ANO3: variants seen among roughly 807,000 people sequenced by gnomAD.
The protein encoded by ANO3 is anoctamin-3.
Under a neutral mutation model 144.8 loss-of-function variants are expected in ANO3, and 99 were observed. That is an observed-to-expected ratio of 0.68 (90% CI 0.58 to 0.81). The LOEUF (loss-of-function observed/expected upper bound fraction) is 0.81, where lower values mean the gene tolerates loss of function less well. Among genes scored for constraint, ANO3 ranks in the 30% least tolerant of loss-of-function variants. ANO3 has a pLI of 0.00. For synonymous variants in ANO3, 414 were observed against 392.6 expected (o/e 1.05, Z -0.64); for missense variants, 905 against 1,202.2 (o/e 0.75, Z 3.66).
chr11:26,407,207 T>C (rs1857312083), intron 1 of ANO3, among the ~76,000 whole-genome samples: 1 of 151,162 alleles, frequency 6.6e-6, no homozygotes, highest in African/African-American at 2.4e-5. Context: ...TTCCAGTTAG[T>C]CTTCTGAATA....
At chr11:26,356,078 G>T (rs779980778) in intron 1 of ANO3, among the ~76,000 whole-genome samples, 4 of 151,848 alleles carry the variant, frequency 2.6e-5, no homozygotes, top group Non-Finnish European at 4.4e-5. Context: ...CATGGTTTGT[G>T]TTTTGATTTT....
chr11:26,197,242 A>G (rs1851606209), intron 1 of ANO3, among the ~76,000 whole-genome samples: 1 of 152,220 alleles, frequency 6.6e-6, no homozygotes, highest in Non-Finnish European at 1.5e-5. Flanking sequence ...AAGAAGGAGA[A>G]GGCAACAGAA....
At chr11:26,299,728 G>T (rs922019003) in intron 1 of ANO3, among the ~76,000 whole-genome samples, 3 of 152,080 alleles carry the variant, frequency 2.0e-5, no homozygotes, top group Non-Finnish European at 4.4e-5. Context: ...GAAATTATTG[G>T]GCTGCTGTCC....
chr11:26,390,478 A>G (rs1417190362), intron 1 of ANO3, among the ~76,000 whole-genome samples: 1 of 152,072 alleles, frequency 6.6e-6, no homozygotes, highest in East Asian at 1.9e-4. Flanking sequence ...AACATCTTCA[A>G]TATCCACCAG....
intron 5 of ANO3, among the ~76,000 whole-genome samples, 153 bp from the exon 6 acceptor site, chr11:26,516,674 A>C (rs1861877038): frequency 6.7e-6 from 1 of 148,698 alleles, no homozygotes; most frequent in Admixed American, 6.8e-5. Context: ...TTCTTCATTA[A>C]GATTTTTTTT....
chr11:26,300,659 G>A (rs1854205927), intron 1 of ANO3, among the ~76,000 whole-genome samples: 1 of 152,058 alleles, frequency 6.6e-6, no homozygotes, highest in Non-Finnish European at 1.5e-5. Context: ...ATAGATATGT[G>A]TCTGTGGAAC....
intron 14 of ANO3, among the ~76,000 whole-genome samples, chr11:26,575,326 C>T (rs920449436): frequency 4.6e-5 from 7 of 151,576 alleles, no homozygotes; most frequent in Non-Finnish European, 1.0e-4. Context: ...GCCTAATGGT[C>T]ACAAGAAATT....
At chr11:26,504,874 T>C (rs1036363833) in intron 4 of ANO3, among the ~76,000 whole-genome samples, 2 of 151,480 alleles carry the variant, frequency 1.3e-5, no homozygotes, top group African/African-American at 2.4e-5. Flanking sequence ...TAGCCGGGCG[T>C]GGTGGCGGGC....
intron 1 of ANO3, among the ~76,000 whole-genome samples, chr11:26,189,513 A>G (rs1333297431): frequency 6.6e-6 from 1 of 152,206 alleles, no homozygotes; most frequent in Non-Finnish European, 1.5e-5. Context: ...TAAAAAATAG[A>G]GGGCTGAAGT....
intron 23 of ANO3, among the ~76,000 whole-genome samples, chr11:26,644,348 A>G (rs1035107678): frequency 1.3e-5 from 2 of 152,134 alleles, no homozygotes; most frequent in Non-Finnish European, 2.9e-5. Flanking sequence ...TGTATATGAC[A>G]TTTTTTAAAA....
Position 26,366,241 on chromosome 11 carries a change from G to A in ANO3, c.46+33920G>A, listed in dbSNP as rs149615418. 5.7e-3 allele frequency among the ~76,000 whole-genome samples: 859 copies of A among 151,986 alleles called. 6 individuals are homozygous for A. The highest frequency in any genetic ancestry group is 0.019 in the African/African-American group (800 of 41,416). On this transcript the variant is annotated intron_variant, in intron 1 of 26. Transcript: ENST00000256737. ...TTCTCACCTATGAATGAGAACATGC[G>A]GTGTTTGGTTTTTTGTCCTTGCGAT...
Position 26,234,767 on chromosome 11 carries a change from T to C in ANO3, c.154+45437T>C, listed in dbSNP as rs528064913. ...ATATTAATCTGGGTTCTTCAGAGAATCAGAGCCAATAGGATATACATAGAG... is the reference window on the plus strand; with the variant it reads ...ATATTAATCTGGGTTCTTCAGAGAACCAGAGCCAATAGGATATACATAGAG... On this transcript the variant is annotated intron_variant, in intron 1 of 27. Coordinates refer to the ANO3 transcript ENST00000672621. 5.9e-5 allele frequency among the ~76,000 whole-genome samples: 9 copies of C among 152,202 alleles called. No individual in the cohort carries two copies. The East Asian group carries it at 1.7e-3, about 29-fold the overall frequency.
chr11:26,455,752 G>T (rs1380628239), intron 3 of ANO3, among the ~76,000 whole-genome samples: 1 of 150,980 alleles, frequency 6.6e-6, no homozygotes, highest in Admixed American at 6.6e-5. Flanking sequence ...CCAAAAAAGA[G>T]CCCGCATCGC....
chr11:26,267,009 G>A (rs1313536489), intron 1 of ANO3, among the ~76,000 whole-genome samples: 2 of 150,918 alleles, frequency 1.3e-5, no homozygotes, highest in African/African-American at 2.4e-5. Context: ...GGAGAATGGC[G>A]AGGACCCTGG....
At chr11:26,625,825 A>G (rs1434821210) in intron 18 of ANO3, among the ~76,000 whole-genome samples, 1 of 152,106 alleles carries the variant, frequency 6.6e-6, no homozygotes, top group East Asian at 1.9e-4. Context: ...AATTCCTTTT[A>G]TATTTTTCTA....
chr11:26,656,355 CTTTG>C lies in ANO3; in HGVS notation c.2658-17_2658-14del, dbSNP rs1853689079. Reference sequence around the variant, plus strand: ...CTCTTTGATCTCTATTTGTCATTCTCTTTGTTTTTGTGGATTTCAGGTACAGAGA... The same window carrying C: ...CTCTTTGATCTCTATTTGTCATTCTCTTTTTGTGGATTTCAGGTACAGAGA... On this transcript the variant is annotated splice_polypyrimidine_tract_variant and intron_variant, in intron 25 of 26. Coordinates refer to ENST00000256737, the MANE Select transcript of ANO3 (RefSeq NM_031418.4). The C allele has an allele frequency of 6.5e-7, 1 of 1,548,814 alleles. No individual in the cohort carries two copies.
At chr11:26,292,016 T>C (rs1331021674) in intron 1 of ANO3, among the ~76,000 whole-genome samples, 1 of 152,206 alleles carries the variant, frequency 6.6e-6, no homozygotes, top group Non-Finnish European at 1.5e-5. Flanking sequence ...TCCAACTTGG[T>C]TCCATTCTTC....
chr11:26,404,151 G>A (rs1026702943), intron 1 of ANO3, among the ~76,000 whole-genome samples: 2 of 151,800 alleles, frequency 1.3e-5, no homozygotes, highest in African/African-American at 4.8e-5. Flanking sequence ...TGATACGATA[G>A]GATGAGCACA....
At chr11:26,368,674 G>T (rs759919553) in intron 1 of ANO3, among the ~76,000 whole-genome samples, 1 of 151,928 alleles carries the variant, frequency 6.6e-6, no homozygotes, top group African/African-American at 2.4e-5. Flanking sequence ...GTGTGTGTCT[G>T]TGTGTGTGCG....
Sources: allele counts gnomAD v4.1 joint callset (sites outside exome capture counted in the v4.1 genomes callset), GRCh38; gene constraint gnomAD v4.1.1; transcripts MANE v1.5; gene names NCBI Gene and HGNC (gene_info 2026-07-23, HGNC 2026-07-21).